Variants in SCPEP1 observed in about 807,000 individuals in gnomAD.
SCPEP1 encodes the protein serine carboxypeptidase 1.
SCPEP1 carries 51 observed loss-of-function variants against 63.8 expected under a neutral mutation model. The ratio of observed to expected loss-of-function variants is 0.80; its 90% CI spans 0.64 to 1.01. The LOEUF is 1.01. Among genes scored for constraint, SCPEP1 ranks in the 50% least tolerant of loss-of-function variants. SCPEP1 has a pLI of 0.00. For synonymous variants in SCPEP1, 204 were observed against 207.8 expected (o/e 0.98, Z 0.16); for missense variants, 499 against 554.9 (o/e 0.90, Z 1.01).
intron 11 of SCPEP1, among the ~76,000 whole-genome samples, chr17:57,001,677 C>T (rs1444144796): frequency 6.6e-6 from 1 of 152,202 alleles, no homozygotes; most frequent in East Asian, 1.9e-4. Flanking sequence ...ATCACTATCT[C>T]GTTCACGACA....
rs1280412508 is a variant in SCPEP1 at position 56,996,889 on chromosome 17, A to T, written c.787-73A>T. Reference sequence around the variant, plus strand: ...CTGTCCTTGGATAAGATAAAGAGCCATGTGTCCTTCTGTTTGGCAGCTTTG... The same window carrying T: ...CTGTCCTTGGATAAGATAAAGAGCCTTGTGTCCTTCTGTTTGGCAGCTTTG... On this transcript the variant is annotated intron_variant, in intron 8 of 12. Transcript: ENST00000262288. 4.3e-6 allele frequency: 4 copies of T among 920,914 alleles called. No homozygotes were observed. In the South Asian group the frequency reaches 6.4e-5, roughly 15 times the overall value. 57.0% of individuals were successfully genotyped at this position (920,914 alleles called of 1,614,324 possible). A position where few individuals can be genotyped will look rare whatever the true frequency, so the allele number is the denominator to read the frequency against.
intron 2 of SCPEP1, among the ~76,000 whole-genome samples, chr17:56,981,540 C>A (rs1911068587): frequency 6.6e-6 from 1 of 152,090 alleles, no homozygotes; most frequent in Non-Finnish European, 1.5e-5. Context: ...TGAGGCCGGG[C>A]ACAGTGGCTC....
Position 56,978,163 on chromosome 17 carries a change from G to A in SCPEP1, c.4G>A (p.Glu2Lys). The A allele has an allele frequency of 6.9e-7, 1 of 1,450,126 alleles. No individual in the cohort carries two copies. Among genetic ancestry groups the A allele is most frequent in the Non-Finnish European group, 9.5e-7 (1 of 1,050,578 alleles). The allele number at this position is 1,450,126 out of a possible 1,614,324, so 89.8% of individuals were successfully genotyped here. M[E>K]LALRRSPVPR... ...ATGCTGCCGTGCGGTACTTGTCATG[G>A]AGCTGGCACTGCGGCGCTCTCCCGT... Residue 2 changes from glutamate (E) to lysine (K), a missense_variant, in exon 1 of 13, where the codon GAG becomes AAG. Glu to Lys is a moderately conservative substitution (Grantham distance 56). Transcript: ENST00000262288.
chr17:56,986,590 G>A (rs1911227572), intron 3 of SCPEP1, among the ~76,000 whole-genome samples: 1 of 149,914 alleles, frequency 6.7e-6, no homozygotes, highest in South Asian at 2.1e-4. Context: ...CTTTCGCCCA[G>A]GCCAGAGTGC....
chr17:56,998,425 T>C lies in SCPEP1; in HGVS notation c.921T>C (p.Asp307=), dbSNP rs1372311232. 2 of 1,613,852 alleles carry C rather than the reference T, an allele frequency of 1.2e-6. No homozygotes were observed. Among genetic ancestry groups the C allele is most frequent in the African/African-American group, 2.7e-5 (2 of 74,872 alleles). Residue 307 remains aspartate (D), a synonymous_variant, in exon 10 of 13, where the codon GAT becomes GAC. Transcript: ENST00000262288. ...CQRHVRHLQR[D]ALSQLMNGPI... Reference sequence around the variant, plus strand: ...GCCACGTGAGACACCTACAACGAGATGCCTTAAGCCAGCTCATGAATGGCC... The same window carrying C: ...GCCACGTGAGACACCTACAACGAGACGCCTTAAGCCAGCTCATGAATGGCC...
chr17:56,997,892 C>T (rs1400005386), intron 9 of SCPEP1: 1 of 155,634 alleles, frequency 6.4e-6, no homozygotes, highest in East Asian at 1.8e-4. Flanking sequence ...ATAATAAAGC[C>T]TCTCCACTTT....
intron 12 of SCPEP1, among the ~76,000 whole-genome samples, chr17:57,004,520 GT>G (rs1335599547): frequency 6.6e-6 from 1 of 152,158 alleles, no homozygotes; most frequent in African/African-American, 2.4e-5. Flanking sequence ...ACTGTTACAG[GT>G]TGAGTACCCC....
At position 56,981,069 on chromosome 17, in the gene SCPEP1, A is replaced by G; in HGVS notation, c.77-13A>G. On this transcript the variant is annotated splice_polypyrimidine_tract_variant and intron_variant, in intron 1 of 12. Transcript: ENST00000262288. Reference sequence around the variant, plus strand: ...GCACTCTTCTGGAGAGTGAAATTGAACTTCTGTTTCAGGAGCTGTCATTGA... The same window carrying G: ...GCACTCTTCTGGAGAGTGAAATTGAGCTTCTGTTTCAGGAGCTGTCATTGA... The G allele has an allele frequency of 6.2e-7, 1 of 1,614,096 alleles. No individual in the cohort carries two copies. The highest frequency in any genetic ancestry group is 8.5e-7 in the Non-Finnish European group (1 of 1,179,974).
intron 6 of SCPEP1, among the ~76,000 whole-genome samples, chr17:56,992,871 G>A (rs1383301649): frequency 2.0e-5 from 3 of 152,190 alleles, no homozygotes; most frequent in Non-Finnish European, 4.4e-5. Flanking sequence ...GGCTTTGCAA[G>A]TGTTATTCAT....
At chr17:56,990,460 G>A (rs1368441545) in intron 5 of SCPEP1, among the ~76,000 whole-genome samples, 1 of 152,152 alleles carries the variant, frequency 6.6e-6, no homozygotes, top group Admixed American at 6.5e-5. Flanking sequence ...CCACCTGATG[G>A]AGATCACTAT....
At chr17:57,001,138 C>T (rs1911729873) in intron 11 of SCPEP1, 146 bp downstream of exon 11, 2 of 890,682 alleles carry the variant, frequency 2.2e-6, no homozygotes, top group Non-Finnish European at 3.6e-6. Flanking sequence ...CTACCCCGAC[C>T]TTGATTATTC....
chr17:56,979,486 G>A (rs1292350339), intron 1 of SCPEP1, among the ~76,000 whole-genome samples: 12 of 149,710 alleles, frequency 8.0e-5, no homozygotes, highest in African/African-American at 2.9e-4. Flanking sequence ...TTTTTTCCCA[G>A]AGTGGTTTTG....
At chr17:57,000,073 C>A (rs1911694106) in intron 10 of SCPEP1, among the ~76,000 whole-genome samples, 1 of 152,044 alleles carries the variant, frequency 6.6e-6, no homozygotes, top group Admixed American at 6.5e-5. Flanking sequence ...TCGCTTAAGC[C>A]TGGGAGGTAG....
At chr17:56,996,589 G>A (rs542480027) in intron 8 of SCPEP1, among the ~76,000 whole-genome samples, 61 of 151,254 alleles carry the variant, frequency 4.0e-4, no homozygotes, top group Non-Finnish European at 6.6e-4. Flanking sequence ...GCCCGATCTC[G>A]GCTCACTGCA....
At chr17:56,988,787 A>G (rs941908515) in intron 5 of SCPEP1, among the ~76,000 whole-genome samples, 2 of 151,986 alleles carry the variant, frequency 1.3e-5, no homozygotes, top group Non-Finnish European at 2.9e-5. Flanking sequence ...TAAACATAAA[A>G]ATAAAAATAA....
Position 57,002,119 on chromosome 17 carries a change from T to C in SCPEP1, c.1234T>C (p.Ser412Pro). 6.2e-7 allele frequency: 1 copy of C among 1,614,230 alleles called. No individual in the cohort carries two copies. Among genetic ancestry groups the C allele is most frequent in the Non-Finnish European group, 8.5e-7 (1 of 1,180,030 alleles). The change falls in exon 12 of 13, where the codon TCT (serine) becomes CCT (proline). Residue 412 changes from serine to proline, a missense_variant. Coordinates refer to ENST00000262288, the MANE Select transcript of SCPEP1 (RefSeq NM_021626.3). ...CAGTGACCCTAAATCTTTGGAAACA[T>C]CTGCTTTTGTCAAGTCCTACAAGAA... ...LYSDPKSLET[S>P]AFVKSYKNLA...
rs1276600415 is a variant in SCPEP1, at chr17:57,002,031, G to A, written c.1146G>A (p.Trp382Ter). ...CCTTCTCACCAGGTCAGGAGGCCTG[G>A]GTGCGGAAACTGAAGTGGCCAGAAC... ...LIVDTMGQEA[W>*]VRKLKWPELP... The change falls in exon 12 of 13, where the codon TGG becomes TGA. Residue 382 changes from tryptophan to a stop codon, truncating the protein, a stop_gained. Coordinates refer to ENST00000262288, the MANE Select transcript of SCPEP1 (RefSeq NM_021626.3). LOFTEE classifies it high-confidence loss of function. The A allele has an allele frequency of 4.3e-6, 7 of 1,613,860 alleles. No individual in the cohort carries two copies. Among genetic ancestry groups the A allele is most frequent in the African/African-American group, 2.7e-5 (2 of 74,932 alleles).
chr17:56,996,835 C>T, intron 8 of SCPEP1, 127 bp from the exon 9 acceptor site: 3 of 567,356 alleles, frequency 5.3e-6, no homozygotes, highest in Non-Finnish European at 9.1e-6. Context: ...CTATTTCTTT[C>T]TGATCCAAGC....
chr17:56,983,835 T>G (rs1416828949), intron 2 of SCPEP1: 2 of 152,082 alleles, frequency 1.3e-5, no homozygotes, highest in African/African-American at 4.8e-5. Flanking sequence ...TTGTCTTTTT[T>G]TTTTTTTTCT....
Sources: allele counts gnomAD v4.1 joint callset (sites outside exome capture counted in the v4.1 genomes callset), GRCh38; gene constraint gnomAD v4.1.1; transcripts MANE v1.5; gene names NCBI Gene and HGNC (gene_info 2026-07-23, HGNC 2026-07-21).